The following PHF14 variants were observed in gnomAD, a reference collection of about 807,000 sequenced individuals.
PHF14 encodes PHD finger protein 14.
In PHF14, 55 loss-of-function variants were observed where a neutral mutation model predicts 117.9. The observed-to-expected ratio is 0.47, with a 90% CI of 0.38 to 0.58. PHF14 has a LOEUF of 0.58. Among genes scored for constraint, PHF14 ranks in the 20% least tolerant of loss-of-function variants. PHF14 has a pLI of 0.00. For missense variants in PHF14, 978 were observed against 1,122.2 expected, an observed-to-expected ratio of 0.87 and a Z score of 1.84; for synonymous variants, 409 against 368.6, an observed-to-expected ratio of 1.11 and a Z score of -1.26.
chr7:10,995,586 C>T (rs115090373), intron 4 of PHF14, among the ~76,000 whole-genome samples: 20 of 152,320 alleles, frequency 1.3e-4, no homozygotes, highest in Admixed American at 2.0e-4. Context: ...GATGGGACCG[C>T]GCCACAGAGC....
rs1389493006 is a variant in PHF14 at position 11,105,506 on chromosome 7, C to T, written c.2655-5844C>T. 10 of 979,674 alleles carry T rather than the reference C, an allele frequency of 1.0e-5. 1 individual carries two copies. In the East Asian group the frequency reaches 5.7e-4, roughly 56 times the overall value. 60.7% of individuals were successfully genotyped at this position (979,674 alleles called of 1,614,324 possible). A position where few individuals can be genotyped will look rare whatever the true frequency, so the allele number is the denominator to read the frequency against. On this transcript the variant is annotated intron_variant, in intron 16 of 17. Transcript: ENST00000634607. ...AATTCAGAAGGACTCTCCAGCAGAGCAGAATATTTACATCATTAAATTTTT... is the reference window on the plus strand; with the variant it reads ...AATTCAGAAGGACTCTCCAGCAGAGTAGAATATTTACATCATTAAATTTTT...
intron 6 of PHF14, among the ~76,000 whole-genome samples, chr7:11,024,339 G>A (rs2128319022): frequency 6.6e-6 from 1 of 152,324 alleles, no homozygotes; most frequent in South Asian, 2.1e-4. Flanking sequence ...TACTGATGGA[G>A]AAGCATCAGC....
At chr7:11,116,584 C>A (rs1343327268) in intron 17 of PHF14, among the ~76,000 whole-genome samples, 2 of 151,940 alleles carry the variant, frequency 1.3e-5, no homozygotes, top group African/African-American at 4.8e-5. Context: ...TCATTACTCT[C>A]CTGATATGAA....
intron 4 of PHF14, among the ~76,000 whole-genome samples, chr7:11,009,498 A>G (rs915544627): frequency 3.3e-5 from 5 of 150,774 alleles, no homozygotes; most frequent in Non-Finnish European, 1.5e-5. Context: ...TATGAGTTTT[A>G]TGTGTTTATA....
intron 16 of PHF14, among the ~76,000 whole-genome samples, chr7:11,070,474 G>T (rs1021662637): frequency 6.6e-6 from 1 of 152,136 alleles, no homozygotes; most frequent in Non-Finnish European, 1.5e-5. Context: ...AGTCATGCTG[G>T]CCTTTTCAGT....
At chr7:11,060,149 T>C (rs1785168282) in intron 14 of PHF14, among the ~76,000 whole-genome samples, 1 of 152,230 alleles carries the variant, frequency 6.6e-6, no homozygotes, top group Non-Finnish European at 1.5e-5. Context: ...AGTGTTGAGA[T>C]TATGGCCGTG....
At chr7:11,111,304 T>C in intron 16 of PHF14, 46 bp from the exon 17 acceptor site, 1 of 901,722 alleles carries the variant, frequency 1.1e-6, no homozygotes, top group South Asian at 1.5e-5. Context: ...TAGATGGTTT[T>C]TATATTATTT....
At chr7:11,168,812 A>G (rs566958950) in intron 17 of PHF14, among the ~76,000 whole-genome samples, 20 of 152,258 alleles carry the variant, frequency 1.3e-4, no homozygotes, top group Non-Finnish European at 2.6e-4. Context: ...GATGCACTTC[A>G]TTTCTATGAA....
In PHF14 at chr7:11,035,759, A is replaced by G. The variant is rs376983515; in HGVS notation, c.1575A>G (p.Arg525=). 15 of 1,607,828 alleles carry G rather than the reference A, an allele frequency of 9.3e-6. No homozygotes were observed. In the African/African-American group the frequency reaches 1.7e-4, roughly 19 times the overall value. ...QSYCKMSLQE[R]EKQLSPEAQA... is the part of the protein sequence containing the mutation. Reference sequence around the variant, plus strand: ...ATTGTAAAATGTCTTTGCAAGAGAGAGAGAAGCAACTATCACCAGAAGCAC... The same window carrying G: ...ATTGTAAAATGTCTTTGCAAGAGAGGGAGAAGCAACTATCACCAGAAGCAC... The change falls in exon 8 of 18, where the codon AGA becomes AGG. Residue 525 remains arginine (R), a synonymous_variant. Coordinates refer to ENST00000634607, the MANE Select transcript of PHF14 (RefSeq NM_001007157.2).
rs533969093 is a variant in PHF14 at position 11,116,419 on chromosome 7, T to C, written c.2772+4952T>C. Among the ~76,000 whole-genome samples the C allele has an allele frequency of 3.9e-5, 6 of 152,162 alleles. No individual in the cohort carries two copies. The East Asian group carries it at 1.2e-3, about 29-fold the overall frequency. On this transcript the variant is annotated intron_variant, in intron 17 of 17. Transcript: ENST00000634607. ...AAAAGCCAAGGACTGGATGTAGGTA[T>C]ACGTATTCATACACAGCCACACTTA... is the stretch of plus-strand genomic sequence containing the variant.
intron 17 of PHF14, among the ~76,000 whole-genome samples, chr7:11,165,033 T>C (rs1204386943): frequency 6.6e-6 from 1 of 152,180 alleles, no homozygotes; most frequent in Non-Finnish European, 1.5e-5. Context: ...CAAGCGATTC[T>C]CCTGCCTCAG....
At chr7:11,131,835 C>T (rs966007568) in intron 17 of PHF14, among the ~76,000 whole-genome samples, 1 of 151,666 alleles carries the variant, frequency 6.6e-6, no homozygotes, top group Non-Finnish European at 1.5e-5. Flanking sequence ...CTCTCTGTCT[C>T]TCTCTCTCAT....
intron 17 of PHF14, among the ~76,000 whole-genome samples, chr7:11,142,779 G>A (rs1788436569): frequency 6.6e-6 from 1 of 152,032 alleles, no homozygotes. Flanking sequence ...AAATGAAATA[G>A]TTCCTGTGTT....
chr7:11,035,613 CT>C (rs761073553), intron 7 of PHF14, 26 bp from the exon 8 acceptor site: 2 of 1,507,006 alleles, frequency 1.3e-6, no homozygotes, highest in African/African-American at 2.8e-5. Flanking sequence ...CAAATGTTCA[CT>C]ATTTTTCTGT....
chr7:11,033,942 G>A (rs1308562447), intron 7 of PHF14, among the ~76,000 whole-genome samples: 1 of 152,122 alleles, frequency 6.6e-6, no homozygotes, highest in Non-Finnish European at 1.5e-5. Context: ...GTAATTGTAA[G>A]TAAACCCTGT....
chr7:11,051,037 G>GGT (rs1363914763), intron 13 of PHF14, among the ~76,000 whole-genome samples: 1 of 151,918 alleles, frequency 6.6e-6, no homozygotes, highest in Non-Finnish European at 1.5e-5. Context: ...GCTTTCCAAA[G>GGT]GTAAATTATT....
At chr7:11,153,595 C>G (rs1030361105) in intron 17 of PHF14, among the ~76,000 whole-genome samples, 1 of 152,000 alleles carries the variant, frequency 6.6e-6, no homozygotes, top group African/African-American at 2.4e-5. Context: ...AGAGTCATCT[C>G]CAGATGACTA....
chr7:10,997,658 T>C (rs546431631), intron 4 of PHF14, among the ~76,000 whole-genome samples: 7 of 152,322 alleles, frequency 4.6e-5, no homozygotes, highest in South Asian at 2.1e-4. Context: ...GATTTGCTTC[T>C]AAGCTAAGTC....
intron 14 of PHF14, among the ~76,000 whole-genome samples, chr7:11,055,424 G>T (rs1011989318): frequency 6.6e-6 from 1 of 152,016 alleles, no homozygotes; most frequent in African/African-American, 2.4e-5. Flanking sequence ...TTACACACAC[G>T]CATGCATCAT....
Sources: allele counts gnomAD v4.1 joint callset (sites outside exome capture counted in the v4.1 genomes callset), GRCh38; gene constraint gnomAD v4.1.1; transcripts MANE v1.5; gene names NCBI Gene and HGNC (gene_info 2026-07-23, HGNC 2026-07-21).